The following GPR158 variants were observed in gnomAD, a reference collection of about 807,000 sequenced individuals.
GPR158 encodes G protein-coupled receptor 158.
Under a neutral mutation model 78.2 loss-of-function variants are expected in GPR158, and 30 were observed. The ratio of observed to expected loss-of-function variants is 0.38; its 90% confidence interval spans 0.29 to 0.52. The LOEUF (loss-of-function observed/expected upper bound fraction) is 0.52, where lower values mean the gene tolerates loss of function less well. Ranked by LOEUF, GPR158 falls within the 20% of genes least tolerant of loss-of-function variation. The pLI is 0.83. For missense variants in GPR158, 1,463 were observed against 1,523.5 expected, an observed-to-expected ratio of 0.96 and a Z score of 0.66; for synonymous variants, 581 against 591.1, an observed-to-expected ratio of 0.98 and a Z score of 0.25.
chr10:25,530,125 C>G (rs1158957547), intron 5 of GPR158, among the ~76,000 whole-genome samples: 2 of 152,046 alleles, frequency 1.3e-5, no homozygotes, highest in Non-Finnish European at 2.9e-5. Flanking sequence ...TCTTTGTCGT[C>G]CTTATACTTC....
chr10:25,557,159 T>TATC (rs1588911171), intron 6 of GPR158, among the ~76,000 whole-genome samples: 3 of 152,362 alleles, frequency 2.0e-5, no homozygotes, highest in South Asian at 2.1e-4. Context: ...TTTTGTGTGC[T>TATC]ATCTCTACTC....
At chr10:25,347,187 G>T (rs1329094670) in intron 2 of GPR158, among the ~76,000 whole-genome samples, 2 of 152,064 alleles carry the variant, frequency 1.3e-5, no homozygotes, top group Admixed American at 1.3e-4. Flanking sequence ...CTCTAGGGGA[G>T]AAGTGGTTTC....
intron 2 of GPR158, among the ~76,000 whole-genome samples, chr10:25,309,231 G>GTGTT (rs1854727410): frequency 6.6e-6 from 1 of 151,964 alleles, no homozygotes; most frequent in African/African-American, 2.4e-5. Flanking sequence ...GTGTGTGTGT[G>GTGTT]TGTTTTCAAT....
At chr10:25,569,074 A>G (rs1836969380) in intron 6 of GPR158, among the ~76,000 whole-genome samples, 1 of 152,184 alleles carries the variant, frequency 6.6e-6, no homozygotes, top group South Asian at 2.1e-4. Context: ...AAATGCTTAG[A>G]TTGAAGTGTA....
chr10:25,517,775 A>C (rs1389989990), intron 5 of GPR158, among the ~76,000 whole-genome samples: 1 of 151,488 alleles, frequency 6.6e-6, no homozygotes, highest in Admixed American at 6.6e-5. Flanking sequence ...TCAGTTTGCC[A>C]GTATTTTGTT....
At chr10:25,199,130 G>T (rs1339996) in intron 1 of GPR158, among the ~76,000 whole-genome samples, 18,188 of 141,298 alleles carry the variant, frequency 0.13, 1,322 homozygotes, top group East Asian at 0.21. Context: ...TAAAGTTTTT[G>T]TTTTTTTTTT....
chr10:25,436,047 T>TG (rs1834992792), intron 4 of GPR158, among the ~76,000 whole-genome samples: 1 of 152,140 alleles, frequency 6.6e-6, no homozygotes, highest in Non-Finnish European at 1.5e-5. Flanking sequence ...GAGTAGAGGA[T>TG]AGTTTCCAGG....
At chr10:25,406,516 A>C (rs1164892807) in intron 3 of GPR158, among the ~76,000 whole-genome samples, 1 of 152,204 alleles carries the variant, frequency 6.6e-6, no homozygotes, top group Non-Finnish European at 1.5e-5. Context: ...AGTTTATTCA[A>C]GCAAAAAGCT....
At chr10:25,419,107 T>C (rs889780813) in intron 4 of GPR158, among the ~76,000 whole-genome samples, 1 of 152,120 alleles carries the variant, frequency 6.6e-6, no homozygotes, top group East Asian at 1.9e-4. Flanking sequence ...TTTCAGAACT[T>C]TTTTTTATCA....
chr10:25,382,555 T>C (rs1325728576), intron 2 of GPR158, among the ~76,000 whole-genome samples: 2 of 152,200 alleles, frequency 1.3e-5, no homozygotes, highest in African/African-American at 4.8e-5. Context: ...GATGTTCTTT[T>C]TCTCCCTTGT....
intron 7 of GPR158, among the ~76,000 whole-genome samples, chr10:25,582,790 C>G (rs1434012528): frequency 6.6e-6 from 1 of 152,150 alleles, no homozygotes; most frequent in Non-Finnish European, 1.5e-5. Context: ...TAGCACAGTG[C>G]CCGGGTCCAT....
chr10:25,595,263 C>T (rs1378566046), intron 9 of GPR158, among the ~76,000 whole-genome samples: 1 of 152,146 alleles, frequency 6.6e-6, no homozygotes, highest in Non-Finnish European at 1.5e-5. Flanking sequence ...CCATTGTAAA[C>T]AGAACAAGAT....
intron 2 of GPR158, among the ~76,000 whole-genome samples, chr10:25,379,647 CTT>C (rs11393897): frequency 6.5e-5 from 7 of 107,000 alleles, no homozygotes; most frequent in Admixed American, 2.1e-4. Context: ...TGAGGATTAG[CTT>C]TTTTTTTTTT....
At chr10:25,523,509 T>C (rs1836305919) in intron 5 of GPR158, among the ~76,000 whole-genome samples, 2 of 152,208 alleles carry the variant, frequency 1.3e-5, no homozygotes, top group African/African-American at 4.8e-5. Context: ...AAAGTTTTTA[T>C]AATTGCCTGT....
intron 7 of GPR158, among the ~76,000 whole-genome samples, chr10:25,574,384 CTTA>C (rs1369304332): frequency 1.3e-5 from 2 of 151,930 alleles, no homozygotes; most frequent in Non-Finnish European, 2.9e-5. Flanking sequence ...CATTAGATAG[CTTA>C]TTATTGATTC....
chr10:25,326,174 A>G (rs1359138024), intron 2 of GPR158, among the ~76,000 whole-genome samples: 1 of 152,108 alleles, frequency 6.6e-6, no homozygotes, highest in East Asian at 1.9e-4. Flanking sequence ...TTCAGCGACC[A>G]TTTATAAGTG....
At chr10:25,293,951 T>A (rs1194023820) in intron 2 of GPR158, among the ~76,000 whole-genome samples, 2 of 152,172 alleles carry the variant, frequency 1.3e-5, no homozygotes, top group East Asian at 3.9e-4. Flanking sequence ...TTCACCATGT[T>A]GGCCAGGCTG....
At chr10:25,443,573 A>ATTT (rs1368718092) in intron 4 of GPR158, among the ~76,000 whole-genome samples, 2 of 92,668 alleles carry the variant, frequency 2.2e-5, no homozygotes, top group Non-Finnish European at 4.1e-5. Flanking sequence ...AAAAAAAAAA[A>ATTT]TTTTTTTTTT....
At chr10:25,195,446 T>TC (rs1852830926) in intron 1 of GPR158, among the ~76,000 whole-genome samples, 1 of 152,166 alleles carries the variant, frequency 6.6e-6, no homozygotes. Flanking sequence ...CCTCAGGTGA[T>TC]CCACCCACCT....
Sources: allele counts gnomAD v4.1 joint callset (sites outside exome capture counted in the v4.1 genomes callset), GRCh38; gene constraint gnomAD v4.1.1; transcripts MANE v1.5; gene names NCBI Gene and HGNC (gene_info 2026-07-23, HGNC 2026-07-21).